Variants in C12orf42 observed in about 807,000 individuals in gnomAD.
The protein encoded by C12orf42 is chromosome 12 open reading frame 42.
C12orf42 carries 25 observed loss-of-function variants against 21.6 expected under a neutral mutation model. That is an observed-to-expected ratio of 1.16 (90% confidence interval 0.84 to 1.62). The LOEUF is 1.62. Among genes scored for constraint, C12orf42 ranks in the 40% most tolerant of loss-of-function variants. The pLI is 0.00. For missense variants in C12orf42, 483 were observed against 459.3 expected (o/e 1.05, Z -0.47); for synonymous variants, 174 against 175.0 (o/e 0.99, Z 0.05).
At chr12:103,371,338 G>T (rs771255524) in intron 3 of C12orf42, among the ~76,000 whole-genome samples, 1 of 152,216 alleles carries the variant, frequency 6.6e-6, no homozygotes, top group Admixed American at 6.5e-5. Flanking sequence ...AGGCAGAGAC[G>T]GAAGCTTAAG....
At chr12:103,493,136 T>A (rs1391108528) in intron 1 of C12orf42, among the ~76,000 whole-genome samples, 1 of 152,184 alleles carries the variant, frequency 6.6e-6, no homozygotes, top group African/African-American at 2.4e-5. Flanking sequence ...AAAGCAGAGG[T>A]AGTGGTGATA....
chr12:103,100,836 T>G, the C12orf42 span, among the ~76,000 whole-genome samples: 7 of 152,228 alleles, frequency 4.6e-5, no homozygotes, highest in African/African-American at 1.7e-4. Flanking sequence ...ATAATCTGTA[T>G]AATAGTGTGT....
intron 2 of C12orf42, among the ~76,000 whole-genome samples, chr12:103,432,208 T>G (rs1950316569): frequency 6.6e-6 from 1 of 152,224 alleles, no homozygotes; most frequent in South Asian, 2.1e-4. Flanking sequence ...CTCAGCCATT[T>G]TGCCTCTTAG....
the C12orf42 span, among the ~76,000 whole-genome samples, chr12:103,177,047 G>A: frequency 6.6e-6 from 1 of 152,064 alleles, no homozygotes; most frequent in African/African-American, 2.4e-5. Flanking sequence ...ATATGAGACT[G>A]TATCCTGAAT....
At chr12:103,208,308 C>A in the C12orf42 span, among the ~76,000 whole-genome samples, 1 of 152,194 alleles carries the variant, frequency 6.6e-6, no homozygotes, top group Non-Finnish European at 1.5e-5. Flanking sequence ...CTGATTACTT[C>A]TGGGGCTGAT....
chr12:103,071,469 C>T, the C12orf42 span, among the ~76,000 whole-genome samples: 51 of 152,210 alleles, frequency 3.4e-4, 1 homozygote, highest in Admixed American at 2.6e-3. Context: ...GCATCCCTAA[C>T]ATTGATGTTG....
At chr12:103,311,564 G>GA (rs2038975513) in intron 4 of C12orf42, among the ~76,000 whole-genome samples, 1 of 152,126 alleles carries the variant, frequency 6.6e-6, no homozygotes, top group Non-Finnish European at 1.5e-5. Context: ...GAGACTGTTG[G>GA]AAAAGGAAAG....
At chr12:103,165,299 C>T in the C12orf42 span, among the ~76,000 whole-genome samples, 4 of 152,200 alleles carry the variant, frequency 2.6e-5, no homozygotes, top group African/African-American at 9.7e-5. Flanking sequence ...AGGCACTTTC[C>T]CTATAAAAGA....
chr12:103,333,787 A>G (rs1356178262), intron 4 of C12orf42, among the ~76,000 whole-genome samples: 1 of 152,242 alleles, frequency 6.6e-6, no homozygotes, highest in East Asian at 1.9e-4. Flanking sequence ...TGCTTTCAAA[A>G]GCACACAAAA....
At chr12:103,376,460 G>C (rs544186252) in intron 3 of C12orf42, among the ~76,000 whole-genome samples, 5 of 151,986 alleles carry the variant, frequency 3.3e-5, no homozygotes, top group Non-Finnish European at 5.9e-5. Flanking sequence ...AACGCACACG[G>C]GGCTTAAAAC....
the C12orf42 span, among the ~76,000 whole-genome samples, chr12:103,142,108 C>G: frequency 6.6e-6 from 1 of 152,072 alleles, no homozygotes; most frequent in African/African-American, 2.4e-5. Context: ...ATATGTAACT[C>G]AATGAAAGAA....
intron 2 of C12orf42, among the ~76,000 whole-genome samples, chr12:103,473,511 G>T (rs572691599): frequency 1.5e-4 from 23 of 152,318 alleles, no homozygotes; most frequent in African/African-American, 4.1e-4. Flanking sequence ...TGGAGTGCCA[G>T]TCTCACTCCA....
intron 10 of C12orf42, among the ~76,000 whole-genome samples, chr12:103,256,073 A>T (rs1238667693): frequency 6.6e-4 from 36 of 54,556 alleles, no homozygotes; most frequent in African/African-American, 2.4e-3. Flanking sequence ...AAAAAAAAAA[A>T]AAAAAAAAAA....
intron 2 of C12orf42, among the ~76,000 whole-genome samples, chr12:103,466,577 C>CTT (rs1265573006): frequency 1.3e-5 from 2 of 151,672 alleles, no homozygotes; most frequent in Non-Finnish European, 2.9e-5. Context: ...CTGACTCTCT[C>CTT]TCTCTCTCCT....
At chr12:103,109,141 A>C in the C12orf42 span, among the ~76,000 whole-genome samples, 1 of 152,198 alleles carries the variant, frequency 6.6e-6, no homozygotes, top group Non-Finnish European at 1.5e-5. Flanking sequence ...ATGATCAACA[A>C]AAATTTGAAG....
intron 2 of C12orf42, among the ~76,000 whole-genome samples, chr12:103,465,271 T>C (rs1953030178): frequency 6.6e-6 from 1 of 152,212 alleles, no homozygotes; most frequent in African/African-American, 2.4e-5. Flanking sequence ...TCCTCTGATT[T>C]CCTTAAGCAG....
chr12:103,108,536 T>C, the C12orf42 span, among the ~76,000 whole-genome samples: 1 of 152,030 alleles, frequency 6.6e-6, no homozygotes, highest in Non-Finnish European at 1.5e-5. Flanking sequence ...AAAAAAATGG[T>C]AATTTGAAAA....
chr12:103,360,440 C>T (rs1389654162), intron 4 of C12orf42, among the ~76,000 whole-genome samples: 4 of 151,940 alleles, frequency 2.6e-5, no homozygotes, highest in African/African-American at 9.7e-5. Flanking sequence ...TCCTCAATCC[C>T]AGCATGCCTA....
At chr12:103,193,473 CAAGAAA>C in the C12orf42 span, among the ~76,000 whole-genome samples, 2 of 151,010 alleles carry the variant, frequency 1.3e-5, no homozygotes, top group Admixed American at 6.6e-5. Flanking sequence ...GCAAAATCAA[CAAGAAA>C]AAGAAGCAAT....
Sources: gnomAD v4.1 joint callset for allele counts (sites outside exome capture counted in the v4.1 genomes callset) on GRCh38, gnomAD v4.1.1 for gene constraint, MANE v1.5 for transcripts, NCBI Gene and HGNC (gene_info 2026-07-23, HGNC 2026-07-21) for gene names.